Variants in CUX1 observed in about 807,000 individuals in gnomAD.
CUX1 encodes protein CASP.
CUX1 carries 31 observed loss-of-function variants against 158.8 expected under a neutral mutation model. That is an observed-to-expected ratio of 0.20 (90% CI 0.15 to 0.26). The LOEUF is 0.26. Ranked by LOEUF, CUX1 falls within the 10% of genes least tolerant of loss-of-function variation. The pLI is 1.00. For synonymous variants in CUX1, 879 were observed against 862.1 expected, an observed-to-expected ratio of 1.02 and a Z score of -0.34; for missense variants, 1,589 against 2,014.6, an observed-to-expected ratio of 0.79 and a Z score of 4.04.
intron 21 of CUX1, chr7:102,282,008 G>T (rs941352802): frequency 2.2e-6 from 2 of 902,458 alleles, no homozygotes; most frequent in Non-Finnish European, 3.7e-6. Flanking sequence ...CGGTGGCCTG[G>T]CCCCTGGGCC....
At chr7:102,138,724 T>A (rs539342012) in intron 8 of CUX1, among the ~76,000 whole-genome samples, 95 of 152,308 alleles carry the variant, frequency 6.2e-4, no homozygotes, top group East Asian at 3.9e-3. Flanking sequence ...TAAAGTTATA[T>A]GGATTTTCAA....
rs1431900639 is a variant in CUX1 at position 102,253,681 on chromosome 7, C to A, written c.*4639C>A. The A allele has an allele frequency of 1.0e-6, 1 of 985,316 alleles. No individual in the cohort carries two copies. Among genetic ancestry groups the A allele is most frequent in the African/African-American group, 1.7e-5 (1 of 57,210 alleles). 61.0% of individuals were successfully genotyped at this position (985,316 alleles called of 1,614,324 possible). A position where few individuals can be genotyped will look rare whatever the true frequency, so the allele number is the denominator to read the frequency against. ...TTGAACTGAGGGGCGACAGCCTTTG[C>A]CTTAAATGCAGTATGACAGGCGCTT... On this transcript the variant is annotated 3_prime_UTR_variant, in exon 24 of 24. Transcript: ENST00000292535.
chr7:101,833,931 A>T (rs947772471), intron 1 of CUX1, among the ~76,000 whole-genome samples: 1 of 152,072 alleles, frequency 6.6e-6, no homozygotes, highest in Non-Finnish European at 1.5e-5. Flanking sequence ...CTAGAATGGG[A>T]CGCACAGTGT....
chr7:101,911,191 C>T (rs1292743285), intron 1 of CUX1, among the ~76,000 whole-genome samples: 1 of 152,292 alleles, frequency 6.6e-6, no homozygotes, highest in African/African-American at 2.4e-5. Context: ...GGGCCTTGGC[C>T]TTGGTCTCAG....
chr7:102,167,949 G>A (rs1554509286), intron 9 of CUX1, among the ~76,000 whole-genome samples: 1 of 152,044 alleles, frequency 6.6e-6, no homozygotes, highest in Non-Finnish European at 1.5e-5. Context: ...GTGGCATTGT[G>A]TGTCTGTAAT....
At chr7:102,181,712 A>T (rs1304034865) in intron 11 of CUX1, among the ~76,000 whole-genome samples, 2 of 152,174 alleles carry the variant, frequency 1.3e-5, no homozygotes, top group African/African-American at 2.4e-5. Context: ...TAATTATCTT[A>T]ACTCCTTGTT....
At chr7:101,827,288 CTCT>C (rs1032075406) in intron 1 of CUX1, among the ~76,000 whole-genome samples, 3 of 150,324 alleles carry the variant, frequency 2.0e-5, no homozygotes, top group Admixed American at 6.7e-5. Flanking sequence ...CTCTTCTCTT[CTCT>C]TCTTTTCTTT....
At chr7:102,116,163 G>A (rs1554491742) in intron 8 of CUX1, among the ~76,000 whole-genome samples, 2 of 152,112 alleles carry the variant, frequency 1.3e-5, no homozygotes, top group Non-Finnish European at 2.9e-5. Flanking sequence ...CCTCTGTATG[G>A]GGTGCCGGCA....
At chr7:102,052,420 C>G (rs1214578840) in intron 3 of CUX1, among the ~76,000 whole-genome samples, 1 of 152,118 alleles carries the variant, frequency 6.6e-6, no homozygotes, top group Non-Finnish European at 1.5e-5. Flanking sequence ...TTTACTTAAC[C>G]ATGGTTTCGA....
At position 102,201,474 on chromosome 7, in the gene CUX1, C is replaced by T; in HGVS notation, c.2177C>T (p.Pro726Leu). Residue 726 changes from proline (P) to leucine (L), a missense_variant, in exon 18 of 24, where the codon CCT (proline) becomes CTT (leucine). Pro to Leu is a moderately conservative substitution (Grantham distance 98). Around this residue, in one of 8 missense-constraint regions of CUX1, gnomAD observed 337 missense variants for 409.3 expected, o/e 0.82. Coordinates refer to ENST00000292535, the MANE Select transcript of CUX1 (RefSeq NM_181552.4). This position sits in a 1 kb window ranked among gnomAD's most constrained non-coding sequence, Gnocchi z 5.0. The stretch of plus-strand genomic sequence containing the variant: ...GAGGCCCAGCAGGCTGCCCTCGACC[C>T]TGCCTTAAAGCAGGCACCACTGTCC... ...EMEAQQAALD[P>L]ALKQAPLSQS... The T allele has an allele frequency of 6.2e-7, 1 of 1,614,168 alleles. No homozygotes were observed. The highest frequency in any genetic ancestry group is 1.1e-5 in the South Asian group (1 of 91,082).
intron 1 of CUX1, among the ~76,000 whole-genome samples, chr7:101,853,856 G>A (rs1221616714): frequency 6.6e-6 from 1 of 152,124 alleles, no homozygotes; most frequent in Non-Finnish European, 1.5e-5. Flanking sequence ...TCAGCCCCCT[G>A]CCCATGGTCA....
chr7:102,190,808 G>A (rs1794192302), intron 12 of CUX1, among the ~76,000 whole-genome samples: 1 of 152,032 alleles, frequency 6.6e-6, no homozygotes, highest in African/African-American at 2.4e-5. Flanking sequence ...CCCGCCTCTG[G>A]TCTTGGGTGC....
At chr7:102,131,150 G>T (rs868906783) in intron 8 of CUX1, among the ~76,000 whole-genome samples, 1 of 150,800 alleles carries the variant, frequency 6.6e-6, no homozygotes, top group South Asian at 2.1e-4. Context: ...AGGATTTAAT[G>T]AATATATAGA....
intron 2 of CUX1, among the ~76,000 whole-genome samples, chr7:101,998,468 C>T (rs1816252663): frequency 6.6e-6 from 1 of 152,200 alleles, no homozygotes; most frequent in Non-Finnish European, 1.5e-5. Flanking sequence ...GCATCTTTCC[C>T]AGCCCGGGCG....
chr7:102,165,782 C>T (rs568411533), intron 9 of CUX1, among the ~76,000 whole-genome samples: 11 of 152,124 alleles, frequency 7.2e-5, no homozygotes, highest in East Asian at 1.9e-4. Context: ...CCCCTGGTTC[C>T]GGCTCTCCTT....
At chr7:102,227,224 C>G in intron 20 of CUX1, 143 bp from the exon 21 acceptor site, 1 of 701,062 alleles carries the variant, frequency 1.4e-6, no homozygotes, top group Non-Finnish European at 2.4e-6. Flanking sequence ...AAATATGAAA[C>G]AGTTCACTAA....
chr7:101,913,340 G>A, intron 1 of CUX1: 1 of 1,264,502 alleles, frequency 7.9e-7, no homozygotes, highest in South Asian at 1.3e-5. Context: ...GCATATGTCT[G>A]CGGGCACGGG....
intron 3 of CUX1, among the ~76,000 whole-genome samples, chr7:102,044,979 T>C (rs1042052077): frequency 4.6e-5 from 7 of 152,310 alleles, no homozygotes; most frequent in Middle Eastern, 3.4e-3. Flanking sequence ...CCGCAGGCTC[T>C]TGGGCCTTCT....
At chr7:102,269,462 A>G (rs1791051559) in intron 14 of CUX1, among the ~76,000 whole-genome samples, 8 of 151,476 alleles carry the variant, frequency 5.3e-5, no homozygotes, top group Admixed American at 4.6e-4. Context: ...GTGGAGTACA[A>G]TGGTGCCATC....
Sources: gnomAD v4.1 joint callset for allele counts (sites outside exome capture counted in the v4.1 genomes callset) on GRCh38, gnomAD v4.1.1 for gene constraint, gnomAD v4.1.1 regional missense constraint, Gnocchi (gnomAD v3.1) non-coding constraint, MANE v1.5 for transcripts, NCBI Gene and HGNC (gene_info 2026-07-23, HGNC 2026-07-21) for gene names.